DLG2: variants seen among roughly 807,000 people sequenced by gnomAD.
The protein encoded by DLG2 is disks large homolog 2.
In DLG2, 45 loss-of-function variants were observed where a neutral mutation model predicts 132.5. The ratio of observed to expected loss-of-function variants is 0.34; its 90% CI spans 0.27 to 0.44. DLG2 has a LOEUF of 0.44. Ranked by LOEUF, DLG2 falls within the 20% of genes least tolerant of loss-of-function variation. The pLI is 1.00. For missense variants in DLG2, 1,045 were observed against 1,196.9 expected (o/e 0.87, Z 1.87); for synonymous variants, 424 against 419.6 (o/e 1.01, Z -0.13).
At chr11:83,873,298 G>A (rs182112132) in intron 16 of DLG2, among the ~76,000 whole-genome samples, 33 of 152,274 alleles carry the variant, frequency 2.2e-4, no homozygotes, top group South Asian at 4.1e-4. Context: ...GACAGGTGAT[G>A]TGGTTTGGCT....
chr11:83,873,661 G>A (rs74633050), intron 16 of DLG2, among the ~76,000 whole-genome samples: 2 of 152,292 alleles, frequency 1.3e-5, no homozygotes, highest in East Asian at 3.9e-4. Flanking sequence ...TACAACAGGT[G>A]ATTGGTAGAT....
intron 3 of DLG2, among the ~76,000 whole-genome samples, chr11:85,387,410 A>G (rs2086433156): frequency 6.6e-6 from 1 of 152,198 alleles, no homozygotes; most frequent in Admixed American, 6.5e-5. Flanking sequence ...AATTTTTCCA[A>G]AAAATCAGTG....
chr11:85,401,098 T>C lies in DLG2; in HGVS notation c.41-115733A>G, dbSNP rs191846369. 3.3e-5 allele frequency among the ~76,000 whole-genome samples: 5 copies of C among 151,948 alleles called. No homozygotes were observed. The South Asian group carries it at 8.3e-4, about 25-fold the overall frequency. ...GATGTGAAAATCCTCTATAAAATAC[T>C]GGCAAACCAAATCCAGCAGCACATC... On this transcript the variant is annotated intron_variant, in intron 3 of 27. Coordinates refer to ENST00000376104, the MANE Select transcript of DLG2 (RefSeq NM_001142699.3).
At chr11:84,441,239 T>C (rs1224725722) in intron 7 of DLG2, among the ~76,000 whole-genome samples, 1 of 151,950 alleles carries the variant, frequency 6.6e-6, no homozygotes, top group South Asian at 2.1e-4. Flanking sequence ...CTTGAACTCC[T>C]GGGCTCAAGT....
intron 11 of DLG2, among the ~76,000 whole-genome samples, chr11:84,051,112 A>G (rs1361693179): frequency 1.3e-5 from 2 of 151,980 alleles, no homozygotes; most frequent in Non-Finnish European, 2.9e-5. Flanking sequence ...ATCATTAAAA[A>G]GACAGGAAAT....
intron 3 of DLG2, among the ~76,000 whole-genome samples, chr11:85,292,866 G>A (rs1248502943): frequency 6.6e-6 from 1 of 151,940 alleles, no homozygotes; most frequent in Non-Finnish European, 1.5e-5. Flanking sequence ...TTTGGAGAAA[G>A]GGCTCACAGG....
intron 7 of DLG2, among the ~76,000 whole-genome samples, chr11:84,532,105 A>C: frequency 7.5e-6 from 1 of 132,798 alleles, no homozygotes; most frequent in African/African-American, 2.7e-5. Context: ...TGGTGCTTTC[A>C]TTGTTCTGTT....
At chr11:84,268,831 T>A (rs1415700624) in intron 7 of DLG2, among the ~76,000 whole-genome samples, 1 of 152,134 alleles carries the variant, frequency 6.6e-6, no homozygotes, top group Non-Finnish European at 1.5e-5. Context: ...AGAATTGAGA[T>A]AATACATGTA....
chr11:85,164,461 CTATT>C (rs1182463461), intron 4 of DLG2, among the ~76,000 whole-genome samples: 9 of 152,282 alleles, frequency 5.9e-5, no homozygotes, highest in African/African-American at 1.9e-4. Context: ...GACTGATTCT[CTATT>C]TGTTTATGTT....
intron 2 of DLG2, among the ~76,000 whole-genome samples, chr11:85,613,930 C>A (rs1353077172): frequency 6.6e-6 from 1 of 152,196 alleles, no homozygotes; most frequent in African/African-American, 2.4e-5. Context: ...AGACCACAAA[C>A]CCACCAGGAG....
chr11:84,860,495 A>T (rs1037297711), intron 6 of DLG2, among the ~76,000 whole-genome samples: 2 of 152,160 alleles, frequency 1.3e-5, no homozygotes, highest in Non-Finnish European at 1.5e-5. Context: ...ATAAAAAGCT[A>T]TATTAATGGT....
chr11:84,901,576 A>G (rs2090893057), intron 6 of DLG2, among the ~76,000 whole-genome samples: 1 of 152,164 alleles, frequency 6.6e-6, no homozygotes, highest in African/African-American at 2.4e-5. Flanking sequence ...TCCATTAACT[A>G]GAATAAATCT....
intron 25 of DLG2, among the ~76,000 whole-genome samples, chr11:83,468,939 G>A (rs2136390724): frequency 2.0e-5 from 3 of 152,210 alleles, no homozygotes; most frequent in East Asian, 3.9e-4. Context: ...TAAAATCAAG[G>A]TTGTGTATTG....
chr11:84,850,306 A>G (rs1316777452), intron 6 of DLG2, among the ~76,000 whole-genome samples: 1 of 152,154 alleles, frequency 6.6e-6, no homozygotes, highest in Non-Finnish European at 1.5e-5. Context: ...GAGAAGTCTG[A>G]AGACTTAGAG....
At chr11:83,900,382 G>C (rs1444148360) in intron 15 of DLG2, among the ~76,000 whole-genome samples, 1 of 152,214 alleles carries the variant, frequency 6.6e-6, no homozygotes, top group African/African-American at 2.4e-5. Context: ...GGGCATGTCA[G>C]AGGTCTTGAT....
intron 6 of DLG2, among the ~76,000 whole-genome samples, chr11:84,762,595 T>A (rs2067786445): frequency 6.6e-6 from 1 of 152,192 alleles, no homozygotes; most frequent in Non-Finnish European, 1.5e-5. Flanking sequence ...GAGGCAAGGA[T>A]TTCCCTTTTT....
intron 3 of DLG2, among the ~76,000 whole-genome samples, chr11:85,317,210 G>A (rs1488399833): frequency 6.6e-6 from 1 of 151,944 alleles, no homozygotes; most frequent in Admixed American, 6.6e-5. Context: ...ACAACTAAAA[G>A]AGGATGTGGT....
chr11:84,192,217 G>A (rs944094076), intron 8 of DLG2, among the ~76,000 whole-genome samples: 1 of 152,164 alleles, frequency 6.6e-6, no homozygotes, highest in Non-Finnish European at 1.5e-5. Context: ...TAAACAGGGG[G>A]TGGGTGAGTA....
chr11:84,644,036 T>A (rs2099671393), intron 6 of DLG2, among the ~76,000 whole-genome samples: 1 of 152,196 alleles, frequency 6.6e-6, no homozygotes, highest in Non-Finnish European at 1.5e-5. Flanking sequence ...AAGTGGTAGA[T>A]GGGGAATTTA....
Sources: gnomAD v4.1 joint callset for allele counts (sites outside exome capture counted in the v4.1 genomes callset) on GRCh38, gnomAD v4.1.1 for gene constraint, MANE v1.5 for transcripts, NCBI Gene and HGNC (gene_info 2026-07-23, HGNC 2026-07-21) for gene names.